Variants in SORCS3 observed in about 807,000 individuals in gnomAD.
The protein encoded by SORCS3 is VPS10 domain-containing receptor SorCS3.
Under a neutral mutation model 146.3 loss-of-function variants are expected in SORCS3, and 57 were observed. That is an observed-to-expected ratio of 0.39 (90% CI 0.31 to 0.49). The LOEUF (loss-of-function observed/expected upper bound fraction) is 0.49. Among genes scored for constraint, SORCS3 ranks in the 20% least tolerant of loss-of-function variants. SORCS3 has a pLI of 0.92. For synonymous variants in SORCS3, 653 were observed against 618.5 expected, an observed-to-expected ratio of 1.06 and a Z score of -0.83; for missense variants, 1,341 against 1,575.5, an observed-to-expected ratio of 0.85 and a Z score of 2.52.
intron 5 of SORCS3, among the ~76,000 whole-genome samples, chr10:105,052,173 A>G (rs60989383): frequency 6.6e-6 from 1 of 152,170 alleles, no homozygotes; most frequent in Non-Finnish European, 1.5e-5. Flanking sequence ...CTTCTTTGCT[A>G]TGAAAAGTGG....
At chr10:104,682,044 G>A (rs192990226) in intron 1 of SORCS3, among the ~76,000 whole-genome samples, 2 of 152,200 alleles carry the variant, frequency 1.3e-5, no homozygotes, top group South Asian at 2.1e-4. Context: ...TGTCTGTTTT[G>A]TTTCCAGGCT....
At chr10:105,218,649 A>G (rs2056679269) in intron 19 of SORCS3, among the ~76,000 whole-genome samples, 1 of 152,236 alleles carries the variant, frequency 6.6e-6, no homozygotes, top group Non-Finnish European at 1.5e-5. Flanking sequence ...CTGTGCTTGA[A>G]TTCTGATCAC....
chr10:104,864,176 G>T (rs970846469), intron 2 of SORCS3, among the ~76,000 whole-genome samples: 1 of 152,208 alleles, frequency 6.6e-6, no homozygotes, highest in Non-Finnish European at 1.5e-5. Context: ...TAGGGATGTA[G>T]TATGGTTTTC....
intron 1 of SORCS3, among the ~76,000 whole-genome samples, chr10:104,672,930 C>A (rs2015872136): frequency 6.6e-6 from 1 of 152,090 alleles, no homozygotes; most frequent in East Asian, 1.9e-4. Context: ...GATATATTTT[C>A]ATGGTCTGTC....
intron 2 of SORCS3, among the ~76,000 whole-genome samples, chr10:104,889,335 T>A (rs753449246): frequency 2.8e-4 from 42 of 151,842 alleles, no homozygotes; most frequent in Non-Finnish European, 5.3e-4. Context: ...TTAATTAAAG[T>A]TCTAGATCAT....
In SORCS3 at chr10:105,235,436, CTGTGTGTGTGTGTG is replaced by C. The variant is rs5787570; in HGVS notation, c.2869-10084_2869-10071del. ...CCCCCTGGAGTTTTGAACTCTCAGA[CTGTGTGTGTGTGTG>C]TGTGTGTGTGTGTGTGTGTGTTTTG... On this transcript the variant is annotated intron_variant, in intron 20 of 26. Coordinates refer to ENST00000369701, the MANE Select transcript of SORCS3 (RefSeq NM_014978.3). 5.7e-5 allele frequency among the ~76,000 whole-genome samples: 8 copies of C among 141,296 alleles called. No individual in the cohort carries two copies. The East Asian group carries it at 6.3e-4, about 11-fold the overall frequency. 92.7% of individuals were successfully genotyped at this position (141,296 alleles called of 152,430 possible).
intron 4 of SORCS3, among the ~76,000 whole-genome samples, chr10:105,034,128 T>G (rs1384176038): frequency 6.6e-6 from 1 of 152,044 alleles, no homozygotes; most frequent in African/African-American, 2.4e-5. Context: ...ATGAATGTTG[T>G]GGAATAAGAG....
In SORCS3 at chr10:105,238,236, C is replaced by T. The variant is rs78685610; in HGVS notation, c.2869-7306C>T. ...CTTTTTTAAGAGCCTGTCGTTTGTGCTACATGTTGTGTGGAATGCAAAGCA... is the reference window on the plus strand; with the variant it reads ...CTTTTTTAAGAGCCTGTCGTTTGTGTTACATGTTGTGTGGAATGCAAAGCA... On this transcript the variant is annotated intron_variant, in intron 20 of 26. Coordinates refer to ENST00000369701, the MANE Select transcript of SORCS3 (RefSeq NM_014978.3). Among the ~76,000 whole-genome samples the T allele has an allele frequency of 2.3e-3, 343 of 152,282 alleles. 2 individuals are homozygous for T. The highest frequency in any genetic ancestry group is 7.7e-3 in the African/African-American group (321 of 41,550).
intron 5 of SORCS3, among the ~76,000 whole-genome samples, chr10:105,086,254 A>G (rs1438363904): frequency 1.3e-5 from 2 of 152,226 alleles, no homozygotes; most frequent in East Asian, 3.8e-4. Flanking sequence ...CCAAAAGCAC[A>G]TAGCTGGAGT....
At chr10:105,253,708 T>C (rs1359084024) in intron 23 of SORCS3, among the ~76,000 whole-genome samples, 3 of 152,180 alleles carry the variant, frequency 2.0e-5, no homozygotes, top group African/African-American at 4.8e-5. Context: ...TACAGACATA[T>C]TTTGTGTCCC....
At position 104,975,598 on chromosome 10, in the gene SORCS3, G is replaced by A. The variant is rs1044506509; in HGVS notation, c.796-1737G>A. Among the ~76,000 whole-genome samples the A allele has an allele frequency of 2.4e-4, 37 of 152,090 alleles. 1 individual carries two copies. The highest frequency in any genetic ancestry group is 5.8e-4 in the East Asian group (3 of 5,198). On this transcript the variant is annotated intron_variant, in intron 3 of 26. Coordinates refer to ENST00000369701, the MANE Select transcript of SORCS3 (RefSeq NM_014978.3). Reference sequence around the variant, plus strand: ...ATGGAGCCAAAAAAGAGCCCGCATCGCCAAGTCAATCCTAAGCCAAAAGAA... The same window carrying A: ...ATGGAGCCAAAAAAGAGCCCGCATCACCAAGTCAATCCTAAGCCAAAAGAA...
intron 5 of SORCS3, among the ~76,000 whole-genome samples, chr10:105,069,606 C>T (rs74157407): frequency 0.015 from 2,234 of 152,300 alleles, 48 homozygotes; most frequent in African/African-American, 0.05. Flanking sequence ...GGCTCTGCCA[C>T]GCTCAGCTGG....
chr10:104,926,630 A>G (rs759166368), intron 3 of SORCS3, among the ~76,000 whole-genome samples: 49 of 152,368 alleles, frequency 3.2e-4, no homozygotes, highest in Admixed American at 2.4e-3. Flanking sequence ...AGGAGTTTCC[A>G]TCTGCCTTCG....
At position 104,641,848 on chromosome 10, in the gene SORCS3, G is replaced by T. The variant is rs1384043368; in HGVS notation, c.521G>T (p.Gly174Val). 2 of 1,569,888 alleles carry T rather than the reference G, an allele frequency of 1.3e-6. No individual in the cohort carries two copies. Among genetic ancestry groups the T allele is most frequent in the Non-Finnish European group, 1.7e-6 (2 of 1,160,824 alleles). ...GAGGAGGTGAAGGCGCCGCGGGCTGGGGGGTCGGCGGCTGAAGACCTCCGG... is the reference window on the plus strand; with the variant it reads ...GAGGAGGTGAAGGCGCCGCGGGCTGTGGGGTCGGCGGCTGAAGACCTCCGG... ...SREEVKAPRA[G>V]GSAAEDLRLP... Residue 174 changes from glycine (G) to valine (V), a missense_variant, in exon 1 of 27, where the codon GGG becomes GTG. By Grantham distance (109) the Gly-to-Val change is moderately radical. Transcript: ENST00000369701. The surrounding 1 kb of genome is among the most constrained non-coding windows in gnomAD (Gnocchi z 6.4).
At chr10:104,841,429 C>T (rs1410088324) in intron 1 of SORCS3, among the ~76,000 whole-genome samples, 1 of 152,156 alleles carries the variant, frequency 6.6e-6, no homozygotes, top group Non-Finnish European at 1.5e-5. Flanking sequence ...ATGGCCATGC[C>T]ATTGATGATG....
intron 5 of SORCS3, among the ~76,000 whole-genome samples, chr10:105,046,595 C>A (rs1240079463): frequency 6.6e-6 from 1 of 152,128 alleles, no homozygotes; most frequent in Non-Finnish European, 1.5e-5. Context: ...TCATTATTAT[C>A]CGCTTCTTCA....
chr10:105,148,614 AC>A (rs2056148509), intron 9 of SORCS3, among the ~76,000 whole-genome samples: 1 of 151,976 alleles, frequency 6.6e-6, no homozygotes, highest in Non-Finnish European at 1.5e-5. Context: ...CAGTGGCCAC[AC>A]CCATACAGAC....
intron 4 of SORCS3, among the ~76,000 whole-genome samples, chr10:105,021,096 G>T (rs1252707054): frequency 6.6e-6 from 1 of 152,224 alleles, no homozygotes; most frequent in East Asian, 1.9e-4. Flanking sequence ...TGAGCCATCA[G>T]CATGTATGTA....
chr10:104,725,455 C>G (rs1297380270), intron 1 of SORCS3, among the ~76,000 whole-genome samples: 2 of 152,240 alleles, frequency 1.3e-5, no homozygotes, highest in Non-Finnish European at 2.9e-5. Context: ...TCTGTCCGTT[C>G]TCAGATCTCC....
Sources: gnomAD v4.1 joint callset for allele counts (sites outside exome capture counted in the v4.1 genomes callset) on GRCh38, gnomAD v4.1.1 for gene constraint, Gnocchi (gnomAD v3.1) non-coding constraint, MANE v1.5 for transcripts, NCBI Gene and HGNC (gene_info 2026-07-23, HGNC 2026-07-21) for gene names.